Variants in CABYR observed in about 807,000 individuals in gnomAD.
The protein encoded by CABYR is calcium-binding tyrosine phosphorylation-regulated protein.
Under a neutral mutation model 36.1 loss-of-function variants are expected in CABYR, and 31 were observed. The ratio of observed to expected loss-of-function variants is 0.86; its 90% CI spans 0.64 to 1.16. The LOEUF is 1.16. Among genes scored for constraint, CABYR ranks in the 50% most tolerant of loss-of-function variants. The probability of loss-of-function intolerance (pLI) is 0.00; values close to 1 mark genes in which losing one functional copy is unlikely to be tolerated. For missense variants in CABYR, 429 were observed against 455.8 expected (o/e 0.94, Z 0.53); for synonymous variants, 146 against 160.7 (o/e 0.91, Z 0.69).
At chr18:24,139,985 A>T (rs946101597) in intron 1 of CABYR, 4 of 148,600 alleles carry the variant, frequency 2.7e-5, no homozygotes, top group Non-Finnish European at 4.4e-5. Flanking sequence ...GCTGGAGTGC[A>T]GTGGCGCGAT....
chr18:24,143,429 AG>A lies in CABYR; in HGVS notation c.199+17del. Reference sequence around the variant, plus strand: ...CAGATTAAAGGTAAGTACCACAAGTAGTAATAGTTTTAATAATGATGTTTAT... The same window carrying A: ...CAGATTAAAGGTAAGTACCACAAGTATAATAGTTTTAATAATGATGTTTAT... On this transcript the variant is annotated intron_variant, in intron 3 of 5. Transcript: ENST00000399496. The A allele has an allele frequency of 7.1e-7, 1 of 1,413,314 alleles. No individual in the cohort carries two copies. 87.5% of individuals were successfully genotyped at this position (1,413,314 alleles called of 1,614,324 possible).
At chr18:24,150,771 TTTTTG>T (rs199591822) in intron 3 of CABYR, 2,113 of 106,292 alleles carry the variant, frequency 0.02, 58 homozygotes, top group African/African-American at 0.078. Context: ...TTTTTTTGTT[TTTTTG>T]TTTTTTGTTT....
intron 4 of CABYR, among the ~76,000 whole-genome samples, chr18:24,157,660 G>A (rs1414589213): frequency 6.6e-6 from 1 of 152,212 alleles, no homozygotes; most frequent in Admixed American, 6.5e-5. Context: ...TGCAGTTCAC[G>A]TAATTGGCTT....
chr18:24,157,215 G>A (rs1415476749), intron 4 of CABYR, among the ~76,000 whole-genome samples: 1 of 152,162 alleles, frequency 6.6e-6, no homozygotes, highest in Non-Finnish European at 1.5e-5. Context: ...TGGCCTCAGA[G>A]TTTGGTCATC....
chr18:24,145,967 G>A (rs1304250033), intron 3 of CABYR, among the ~76,000 whole-genome samples: 1 of 152,104 alleles, frequency 6.6e-6, no homozygotes. Context: ...TTTGCCATTA[G>A]AACAAAATCA....
chr18:24,142,040 A>C (rs898990005), intron 1 of CABYR, among the ~76,000 whole-genome samples: 2 of 152,222 alleles, frequency 1.3e-5, no homozygotes, highest in Admixed American at 1.3e-4. Context: ...AAACATGAGC[A>C]ATGGTCGGGC....
intron 4 of CABYR, chr18:24,156,523 G>GAGTT (rs2145881678): frequency 6.2e-7 from 1 of 1,614,104 alleles, no homozygotes; most frequent in Non-Finnish European, 8.5e-7. Flanking sequence ...CAGTCACCAC[G>GAGTT]AGTTAGTCCC....
chr18:24,142,649 T>TC (rs1281716020), intron 1 of CABYR, among the ~76,000 whole-genome samples: 2 of 151,762 alleles, frequency 1.3e-5, no homozygotes, highest in Non-Finnish European at 2.9e-5. Flanking sequence ...TGTGTGTTTT[T>TC]TTTTTTTAAA....
At chr18:24,159,325 C>T (rs1396871765) in intron 4 of CABYR, 147 bp from the exon 5 acceptor site, 9 of 640,538 alleles carry the variant, frequency 1.4e-5, no homozygotes, top group South Asian at 5.9e-5. Context: ...CTGTCAAACA[C>T]GATTATGCAG....
At chr18:24,152,309 T>A (rs1204450579) in intron 3 of CABYR, among the ~76,000 whole-genome samples, 1 of 152,216 alleles carries the variant, frequency 6.6e-6, no homozygotes, top group Non-Finnish European at 1.5e-5. Flanking sequence ...TCACTTAGTG[T>A]CCACAGAAAC....
intron 3 of CABYR, among the ~76,000 whole-genome samples, chr18:24,150,059 G>A (rs1324061032): frequency 6.6e-6 from 1 of 152,276 alleles, no homozygotes; most frequent in East Asian, 1.9e-4. Flanking sequence ...CCCAGGCAGA[G>A]GAGGCGCCAA....
In CABYR at chr18:24,143,160, ACT is replaced by A. The variant is rs2085368886; in HGVS notation, c.49_50del (p.Leu17AlafsTer5). On this transcript the variant is annotated frameshift_variant, in exon 2 of 6. Coordinates refer to ENST00000399496, the MANE Select transcript of CABYR (RefSeq NM_153769.3). LOFTEE classifies it high-confidence loss of function. The part of the protein sequence containing the change: ...PRLVVPYGLK[T>X]LLEGISRAVL... ...ACTTGTCGTACCCTATGGCCTCAAG[ACT>A]CTGCTCGAGGGAATTAGCAGAGCTG... 1 of 1,613,704 alleles carries A rather than the reference ACT, an allele frequency of 6.2e-7. No individual in the cohort carries two copies. The highest frequency in any genetic ancestry group is 2.2e-5 in the East Asian group (1 of 44,878).
In CABYR at chr18:24,159,630, C is replaced by G. The variant is rs371742376; in HGVS notation, c.700C>G (p.Gln234Glu). 6.4e-5 allele frequency: 103 copies of G among 1,613,978 alleles called. No individual in the cohort carries two copies. Among genetic ancestry groups the G allele is most frequent in the Non-Finnish European group, 8.2e-5 (97 of 1,180,032 alleles). ...TLYLPNPKDP[Q>E]FQQHPPKVTF... ...CTATTTACCTAATCCTAAGGATCCA[C>G]AGTTTCAGCAGCATCCACCAAAAGT... The change falls in exon 5 of 6, where the codon CAG becomes GAG. Residue 234 changes from glutamine (Q) to glutamate (E), a missense_variant. Physicochemically the swap from Gln to Glu is conservative, Grantham distance 29 (BLOSUM62 2). Coordinates refer to ENST00000399496, the MANE Select transcript of CABYR (RefSeq NM_153769.3).
intron 3 of CABYR, among the ~76,000 whole-genome samples, chr18:24,153,959 C>T (rs1167554449): frequency 5.3e-5 from 8 of 151,752 alleles, no homozygotes; most frequent in East Asian, 2.0e-4. Flanking sequence ...AAAAATTAGC[C>T]GGGCATGGTG....
At chr18:24,153,640 T>A (rs991550690) in intron 3 of CABYR, among the ~76,000 whole-genome samples, 1 of 152,194 alleles carries the variant, frequency 6.6e-6, no homozygotes, top group Non-Finnish European at 1.5e-5. Flanking sequence ...GAAATCAGAT[T>A]ACTTGATTAC....
chr18:24,159,858 C>CTAAG lies in CABYR; in HGVS notation c.930_933dup (p.Pro312LysfsTer6), dbSNP rs2085903152. ...AGATGAGAAATACCAGAAACATACCCTAAGTCCCCAGAATGCTAATCCTCC... is the reference window on the plus strand; with the variant it reads ...AGATGAGAAATACCAGAAACATACCCTAAGTAAGTCCCCAGAATGCTAATCCTCC... On this transcript the variant is annotated frameshift_variant, in exon 5 of 6. Transcript: ENST00000399496. LOFTEE classifies it high-confidence loss of function. 3 of 1,614,136 alleles carry CTAAG rather than the reference C, an allele frequency of 1.9e-6. No individual in the cohort carries two copies. The highest frequency in any genetic ancestry group is 1.7e-5 in the Admixed American group (1 of 60,012).
rs571115050 is a variant in CABYR, at chr18:24,146,049, A to G, written c.199+2636A>G. Among the ~76,000 whole-genome samples, 5 of 152,326 alleles carry G rather than the reference A, an allele frequency of 3.3e-5. No homozygotes were observed. In the East Asian group the frequency reaches 9.6e-4, roughly 29 times the overall value. ...ATTTACAGTTTCCAGCATACAGTTA[A>G]AAACTACTAGACATTCAAAGAAGCA... On this transcript the variant is annotated intron_variant, in intron 3 of 5. Coordinates refer to ENST00000399496, the MANE Select transcript of CABYR (RefSeq NM_153769.3).
chr18:24,143,564 T>A (rs11660689), intron 3 of CABYR, 151 bp downstream of exon 3: 1 of 296,016 alleles, frequency 3.4e-6, no homozygotes, highest in Non-Finnish European at 5.9e-6. Flanking sequence ...TATATATTTT[T>A]AGAGACATGC....
chr18:24,146,356 G>A (rs2085458378), intron 3 of CABYR, among the ~76,000 whole-genome samples: 1 of 152,102 alleles, frequency 6.6e-6, no homozygotes, highest in Non-Finnish European at 1.5e-5. Flanking sequence ...ACCAAATTAA[G>A]GCAAAGAGAA....
Sources: allele counts gnomAD v4.1 joint callset (sites outside exome capture counted in the v4.1 genomes callset), GRCh38; gene constraint gnomAD v4.1.1; transcripts MANE v1.5; gene names NCBI Gene and HGNC (gene_info 2026-07-23, HGNC 2026-07-21).